The following COL1A2 variants were observed in gnomAD, a reference collection of about 807,000 sequenced individuals.
COL1A2 encodes collagen type I alpha 2 chain.
In COL1A2, 49 loss-of-function variants were observed where a neutral mutation model predicts 174.3. The ratio of observed to expected loss-of-function variants is 0.28; its 90% CI spans 0.22 to 0.36. The LOEUF (loss-of-function observed/expected upper bound fraction) is 0.36, where lower values mean the gene tolerates loss of function less well. COL1A2 is among the 10% of genes least tolerant of loss of function. The pLI is 1.00. For synonymous variants in COL1A2, 655 were observed against 606.6 expected, an observed-to-expected ratio of 1.08 and a Z score of -1.17; for missense variants, 1,438 against 1,822.7, an observed-to-expected ratio of 0.79 and a Z score of 3.84.
intron 36 of COL1A2, 46 bp from the exon 37 acceptor site, chr7:94,420,495 T>G (rs1295603235): frequency 3.7e-6 from 6 of 1,613,396 alleles, no homozygotes; most frequent in Non-Finnish European, 4.2e-6. Context: ...AGTTGGGGAG[T>G]AGAGTGGGTC....
At chr7:94,411,772 AG>A (rs1192179488) in intron 23 of COL1A2, among the ~76,000 whole-genome samples, 1 of 152,228 alleles carries the variant, frequency 6.6e-6, no homozygotes, top group African/African-American at 2.4e-5. Context: ...TTCTATTATG[AG>A]GTAAATAACG....
chr7:94,420,099 T>A, intron 34 of COL1A2, 134 bp from the exon 35 acceptor site: 1 of 1,158,104 alleles, frequency 8.6e-7, no homozygotes, highest in Non-Finnish European at 1.3e-6. Flanking sequence ...CATTTTACTC[T>A]GTGAGATGTG....
intron 13 of COL1A2, 100 bp from the exon 14 acceptor site, chr7:94,408,083 T>G (rs899404043): frequency 8.3e-6 from 11 of 1,317,832 alleles, no homozygotes; most frequent in Non-Finnish European, 1.2e-5. Flanking sequence ...TTATTTTTAG[T>G]GTATTCTTGT....
At chr7:94,400,714 G>A (rs1192186408) in intron 5 of COL1A2, among the ~76,000 whole-genome samples, 6 of 152,100 alleles carry the variant, frequency 3.9e-5, no homozygotes, top group Non-Finnish European at 5.9e-5. Flanking sequence ...GCGGTTTTAG[G>A]TTTAATTTGC....
intron 48 of COL1A2, 67 bp downstream of exon 48, chr7:94,427,362 C>A: frequency 2.1e-6 from 3 of 1,436,204 alleles, no homozygotes; most frequent in East Asian, 2.4e-5. Context: ...TCAGACTAAA[C>A]CAAGACAACT....
At chr7:94,416,893 A>G (rs191270530) in intron 31 of COL1A2, 122 of 184,820 alleles carry the variant, frequency 6.6e-4, no homozygotes, top group African/African-American at 2.8e-3. Flanking sequence ...CTGACTTTTA[A>G]TAATAAGAGT....
chr7:94,411,291 C>T (rs1791917483), intron 23 of COL1A2, 137 bp downstream of exon 23: 1 of 748,714 alleles, frequency 1.3e-6, no homozygotes, highest in Admixed American at 2.1e-5. Flanking sequence ...GCATTTTTGA[C>T]TTTATCAAAG....
intron 1 of COL1A2, 96 bp downstream of exon 1, chr7:94,395,197 G>A: frequency 2.0e-6 from 2 of 995,404 alleles, no homozygotes; most frequent in Non-Finnish European, 3.2e-6. Flanking sequence ...CTGAATTCCA[G>A]GTACACTTGG....
chr7:94,423,116 G>A lies in COL1A2; in HGVS notation c.2563G>A (p.Ala855Thr), dbSNP rs541473356. The A allele has an allele frequency of 1.1e-4, 173 of 1,614,128 alleles. 2 individuals are homozygous for A. In the South Asian group the frequency reaches 1.8e-3, roughly 16 times the overall value. The change falls in exon 40 of 52, where the codon GCT becomes ACT. Residue 855 changes from alanine to threonine, a missense_variant and splice_region_variant. Transcript: ENST00000297268. ...EKGPSGEAGT[A>T]GPPGTPGPQG... ...GGGTCCCTCTGGAGAGGCTGGTACT[G>A]CTGTAAGTGATTTCCAACTCCTCTT...
intron 41 of COL1A2, 194 bp downstream of exon 41, chr7:94,424,637 A>G: frequency 3.4e-6 from 2 of 585,478 alleles, no homozygotes; most frequent in Non-Finnish European, 6.0e-6. Flanking sequence ...CTATAAAGAC[A>G]CAGCTTAAAA....
chr7:94,415,739 T>C (rs1299064549), intron 30 of COL1A2, among the ~76,000 whole-genome samples: 1 of 152,168 alleles, frequency 6.6e-6, no homozygotes, highest in African/African-American at 2.4e-5. Flanking sequence ...TATTCCATCA[T>C]GTCACTAGTT....
intron 5 of COL1A2, among the ~76,000 whole-genome samples, chr7:94,400,910 G>C (rs1791676750): frequency 6.6e-6 from 1 of 152,240 alleles, no homozygotes; most frequent in East Asian, 1.9e-4. Context: ...AGTAAAATAA[G>C]ACCTTTCTCC....
chr7:94,400,190 T>C lies in COL1A2; in HGVS notation c.133-6T>C. The C allele has an allele frequency of 6.2e-7, 1 of 1,613,766 alleles. No homozygotes were observed. Among genetic ancestry groups the C allele is most frequent in the Non-Finnish European group, 8.5e-7 (1 of 1,179,910 alleles). On this transcript the variant is annotated splice_polypyrimidine_tract_variant and splice_region_variant and intron_variant, in intron 4 of 51. Coordinates refer to ENST00000297268, the MANE Select transcript of COL1A2 (RefSeq NM_000089.4). ...AACCTGACCTTACTCACTTTTTACA[T>C]AACAGGGTCCACCAGGCCCCCCAGG... is the stretch of plus-strand genomic sequence containing the variant.
intron 41 of COL1A2, 32 bp from the exon 42 acceptor site, chr7:94,425,085 G>C (rs1390817875): frequency 4.4e-6 from 7 of 1,585,688 alleles, no homozygotes; most frequent in Non-Finnish European, 5.2e-6. Flanking sequence ...TCGAATAAGG[G>C]GAATGTCATT....
intron 23 of COL1A2, 46 bp downstream of exon 23, chr7:94,411,200 C>T: frequency 7.2e-7 from 1 of 1,394,272 alleles, no homozygotes; most frequent in Non-Finnish European, 9.9e-7. Flanking sequence ...GGCATTACTT[C>T]CTTCTTTAAA....
chr7:94,397,409 C>G (rs1417411347), intron 1 of COL1A2, among the ~76,000 whole-genome samples: 1 of 151,994 alleles, frequency 6.6e-6, no homozygotes, highest in Non-Finnish European at 1.5e-5. Context: ...TTACATTCAG[C>G]GATTCATCTG....
Position 94,409,766 on chromosome 7 carries a change from G to A in COL1A2, c.980G>A (p.Arg327His), listed in dbSNP as rs764174111. ...GGGGCTCCCGGCCTCCCTGGACCCC[G>A]CGGTATTCCTGGCCCTGTTGGTGCT... The part of the protein sequence containing the change: ...VAGAPGLPGP[R>H]GIPGPVGAAG... The change falls in exon 19 of 52, where the codon CGC becomes CAC. Residue 327 changes from arginine to histidine, a missense_variant. Transcript: ENST00000297268. The A allele has an allele frequency of 4.9e-5, 79 of 1,613,984 alleles. No homozygotes were observed. Among genetic ancestry groups the A allele is most frequent in the Middle Eastern group, 3.3e-4 (2 of 6,080 alleles).
Position 94,397,737 on chromosome 7 carries a change from T to C in COL1A2, c.71-11T>C. The C allele has an allele frequency of 5.4e-6, 7 of 1,287,072 alleles. No individual in the cohort carries two copies. The highest frequency in any genetic ancestry group is 3.9e-4 in the Middle Eastern group (2 of 5,168). The allele number at this position is 1,287,072 out of a possible 1,614,324, so 79.7% of individuals were successfully genotyped here. A position where few individuals can be genotyped will look rare whatever the true frequency, so the allele number is the denominator to read the frequency against. On this transcript the variant is annotated splice_polypyrimidine_tract_variant and intron_variant, in intron 1 of 51. Transcript: ENST00000297268. ...TAATTGTTTCCTACTTTTTCTTTTT[T>C]TTTTCTACAGCTTTACAAGAGGTGA...
chr7:94,398,172 T>C (rs1430423784), intron 2 of COL1A2, among the ~76,000 whole-genome samples: 1 of 152,102 alleles, frequency 6.6e-6, no homozygotes, highest in East Asian at 1.9e-4. Context: ...TACGTATTGC[T>C]ATGTATTTTT....
Sources: gnomAD v4.1 joint callset for allele counts (sites outside exome capture counted in the v4.1 genomes callset) on GRCh38, gnomAD v4.1.1 for gene constraint, MANE v1.5 for transcripts, NCBI Gene and HGNC (gene_info 2026-07-23, HGNC 2026-07-21) for gene names.